DPYS: variants seen among roughly 807,000 people sequenced by gnomAD.
DPYS encodes the protein dihydropyrimidine amidohydrolase.
In DPYS, 39 loss-of-function variants were observed where a neutral mutation model predicts 50.3. The observed-to-expected ratio is 0.78, with a 90% CI of 0.60 to 1.01. DPYS has a LOEUF of 1.01. DPYS is among the 50% of genes least tolerant of loss of function. The pLI is 0.00. For missense variants in DPYS, 659 were observed against 680.9 expected, an observed-to-expected ratio of 0.97 and a Z score of 0.36; for synonymous variants, 245 against 250.7, an observed-to-expected ratio of 0.98 and a Z score of 0.22.
At chr8:104,415,176 A>T (rs1194461738) in intron 7 of DPYS, among the ~76,000 whole-genome samples, 1 of 152,224 alleles carries the variant, frequency 6.6e-6, no homozygotes, top group Non-Finnish European at 1.5e-5. Flanking sequence ...TACAGTTGTA[A>T]ATAATACAAG....
At chr8:104,454,894 G>C (rs1304459526) in intron 1 of DPYS, among the ~76,000 whole-genome samples, 1 of 152,132 alleles carries the variant, frequency 6.6e-6, no homozygotes, top group Non-Finnish European at 1.5e-5. Context: ...CTGACTCACA[G>C]CAAGTGCTGT....
chr8:104,460,705 C>A (rs967204946), intron 1 of DPYS, among the ~76,000 whole-genome samples: 1 of 152,180 alleles, frequency 6.6e-6, no homozygotes, highest in Non-Finnish European at 1.5e-5. Flanking sequence ...TCCTAATACA[C>A]AACACCCTTA....
rs189617922 is a variant in DPYS at position 104,382,439 on chromosome 8, C to G, written c.1444-1125G>C. Among the ~76,000 whole-genome samples, 132 of 152,230 alleles carry G rather than the reference C, an allele frequency of 8.7e-4. 1 individual carries two copies. The highest frequency in any genetic ancestry group is 3.1e-3 in the African/African-American group (127 of 41,536). On this transcript the variant is annotated intron_variant, in intron 8 of 9. Transcript: ENST00000351513. ...CAGACACCAGGAAATGAAGGGCCAG[C>G]CTCCCATTTCTACCACCTTGGACCA...
chr8:104,395,822 G>A (rs1349018019), intron 7 of DPYS, among the ~76,000 whole-genome samples: 4 of 145,344 alleles, frequency 2.8e-5, no homozygotes, highest in African/African-American at 1.0e-4. Context: ...GAAATTGCTG[G>A]GTCATATTTT....
At chr8:104,458,589 T>G (rs1814010489) in intron 1 of DPYS, among the ~76,000 whole-genome samples, 1 of 152,188 alleles carries the variant, frequency 6.6e-6, no homozygotes, top group Admixed American at 6.5e-5. Context: ...ACCTGGCACA[T>G]GAATATTCTC....
chr8:104,423,367 T>C (rs1006115212), intron 7 of DPYS, among the ~76,000 whole-genome samples: 1 of 152,194 alleles, frequency 6.6e-6, no homozygotes, highest in Non-Finnish European at 1.5e-5. Context: ...CTTATAGTGA[T>C]GGTACCTTAG....
At chr8:104,447,581 C>T (rs1234115638) in intron 2 of DPYS, 78 bp from the exon 3 acceptor site, 2 of 1,527,166 alleles carry the variant, frequency 1.3e-6, no homozygotes, top group East Asian at 2.3e-5. Flanking sequence ...TAAAACGTTG[C>T]ATTCGGAAGA....
chr8:104,392,979 T>C lies in DPYS; in HGVS notation c.1248A>G (p.Ala416=), dbSNP rs1262127361. 1.2e-6 allele frequency: 2 copies of C among 1,614,194 alleles called. No individual in the cohort carries two copies. Among genetic ancestry groups the C allele is most frequent in the Non-Finnish European group, 1.7e-6 (2 of 1,179,996 alleles). ...AGTTAACAGCCTGATGATGAGTTTT[T>C]GCTGAGATAGTCCTATATTTGTGAA... ...WDPKGTRTIS[A]KTHHQAVNFN... is the part of the protein sequence containing the mutation. Residue 416 remains alanine, a synonymous_variant, in exon 8 of 10, where the codon GCA becomes GCG. Coordinates refer to ENST00000351513, the MANE Select transcript of DPYS (RefSeq NM_001385.3).
intron 7 of DPYS, chr8:104,421,358 G>A (rs1007409193): frequency 1.3e-5 from 2 of 152,192 alleles, no homozygotes; most frequent in African/African-American, 4.8e-5. Context: ...AAACAGCTGG[G>A]CGCGGTGGCT....
chr8:104,387,257 T>A (rs1811241509), intron 8 of DPYS, among the ~76,000 whole-genome samples: 1 of 152,204 alleles, frequency 6.6e-6, no homozygotes, highest in Non-Finnish European at 1.5e-5. Flanking sequence ...GGCATTTTGA[T>A]GATGTTTACA....
At chr8:104,443,332 CTGAA>C (rs1813416390) in intron 4 of DPYS, among the ~76,000 whole-genome samples, 2 of 2,724 alleles carry the variant, frequency 7.3e-4, no homozygotes, top group Non-Finnish European at 8.9e-3. Flanking sequence ...ACATACTAGG[CTGAA>C]CATACTAGGC....
intron 5 of DPYS, chr8:104,429,317 A>G: frequency 1.8e-6 from 1 of 564,114 alleles, no homozygotes; most frequent in Non-Finnish European, 3.1e-6. Flanking sequence ...GTAAAGTTTC[A>G]GTGAAAACGA....
At chr8:104,395,836 T>A (rs1811564664) in intron 7 of DPYS, among the ~76,000 whole-genome samples, 1 of 109,020 alleles carries the variant, frequency 9.2e-6, no homozygotes, top group African/African-American at 3.4e-5. Flanking sequence ...ATATTTTAAG[T>A]GTATGCTGCA....
intron 4 of DPYS, among the ~76,000 whole-genome samples, chr8:104,439,208 G>A (rs1813258159): frequency 6.6e-6 from 1 of 152,144 alleles, no homozygotes; most frequent in Non-Finnish European, 1.5e-5. Context: ...ATAGTTGAGA[G>A]TCAAGTGATA....
intron 8 of DPYS, 32 bp from the exon 9 acceptor site, chr8:104,381,346 G>C: frequency 5.6e-6 from 9 of 1,599,518 alleles, no homozygotes; most frequent in Non-Finnish European, 7.7e-6. Context: ...CTCTCTTGTG[G>C]TTTATTTTCT....
intron 1 of DPYS, among the ~76,000 whole-genome samples, chr8:104,456,520 G>A (rs1478554566): frequency 1.3e-5 from 2 of 152,164 alleles, no homozygotes; most frequent in Admixed American, 6.5e-5. Flanking sequence ...GTTTCTTCTT[G>A]TTCTGTTTCT....
chr8:104,381,326 C>T lies in DPYS; in HGVS notation c.1444-12G>A. The T allele has an allele frequency of 6.2e-7, 1 of 1,605,092 alleles. No individual in the cohort carries two copies. The highest frequency in any genetic ancestry group is 8.5e-7 in the Non-Finnish European group (1 of 1,171,826). ...GTAGGTGTGCAAGTCTGAAAGAGAA[C>T]ATTTCATTTCTCTCTTGTGGTTTAT... On this transcript the variant is annotated splice_polypyrimidine_tract_variant and intron_variant, in intron 8 of 9. Coordinates refer to ENST00000351513, the MANE Select transcript of DPYS (RefSeq NM_001385.3).
chr8:104,393,279 A>T (rs1811460388), intron 7 of DPYS, among the ~76,000 whole-genome samples: 1 of 152,192 alleles, frequency 6.6e-6, no homozygotes, highest in African/African-American at 2.4e-5. Flanking sequence ...TTTTAAAATT[A>T]TTTTTATTTA....
chr8:104,427,208 A>T (rs1341900312), intron 6 of DPYS, among the ~76,000 whole-genome samples: 13 of 151,824 alleles, frequency 8.6e-5, no homozygotes, highest in Admixed American at 7.9e-4. Context: ...CTCAAAAAAA[A>T]AAAAAAAAAA....
Sources: gnomAD v4.1 joint callset for allele counts (sites outside exome capture counted in the v4.1 genomes callset) on GRCh38, gnomAD v4.1.1 for gene constraint, MANE v1.5 for transcripts, NCBI Gene and HGNC (gene_info 2026-07-23, HGNC 2026-07-21) for gene names.